SUSD2: variants seen among roughly 807,000 people sequenced by gnomAD.
SUSD2 encodes sushi domain-containing protein 2.
Under a neutral mutation model 93.8 loss-of-function variants are expected in SUSD2, and 86 were observed. The observed-to-expected ratio is 0.92, with a 90% CI of 0.77 to 1.10. The LOEUF is 1.10. Ranked by LOEUF, SUSD2 falls within the 50% of genes least tolerant of loss-of-function variation. The pLI is 0.00. For synonymous variants in SUSD2, 483 were observed against 485.0 expected (o/e 1.00, Z 0.05); for missense variants, 1,060 against 1,137.0 (o/e 0.93, Z 0.97).
rs766871550 is a variant in SUSD2, at chr22:24,186,107, G to T, written c.1431G>T (p.Ala477=). The change falls in exon 9 of 15, where the codon GCG becomes GCT. Residue 477 remains alanine (A), a synonymous_variant. Transcript: ENST00000358321. ...GRGEYVLLEA[A]LTDLRVQARA... is the part of the protein sequence containing the mutation. ...GAGAGTACGTGCTGCTGGAGGCAGC[G>T]CTGACCGACCTGAGGGTGCAGGCGC... 1.2e-6 allele frequency: 2 copies of T among 1,612,364 alleles called. No homozygotes were observed. The highest frequency in any genetic ancestry group is 8.5e-7 in the Non-Finnish European group (1 of 1,179,612).
chr22:24,187,161 G>T, intron 10 of SUSD2, 41 bp from the exon 11 acceptor site: 1 of 1,590,768 alleles, frequency 6.3e-7, no homozygotes. Context: ...GGGACAAGAT[G>T]CTCACAGCGG....
rs376461190 is a variant in SUSD2 at position 24,186,144 on chromosome 22, G to A, written c.1468G>A (p.Gly490Arg). Reference protein sequence around the residue: ...DLRVQARAQPGTMSNGTETRG... With the variant: ...DLRVQARAQPRTMSNGTETRG... ...GAGGGTGCAGGCGCGGGCCCAGCCCGGGACGATGTCCAACGGTGAGGCCAG... is the reference window on the plus strand; with the variant it reads ...GAGGGTGCAGGCGCGGGCCCAGCCCAGGACGATGTCCAACGGTGAGGCCAG... Residue 490 changes from glycine (G) to arginine (R), a missense_variant, in exon 9 of 15, where the codon GGG becomes AGG. Physicochemically the swap from Gly to Arg is moderately radical, Grantham distance 125. This residue lies in a region of SUSD2 where 973 missense variants were observed against 1,005.3 expected (regional missense o/e 0.97). Transcript: ENST00000358321. The A allele has an allele frequency of 1.9e-5, 31 of 1,609,746 alleles. No homozygotes were observed. The highest frequency in any genetic ancestry group is 4.0e-5 in the African/African-American group (3 of 74,896).
chr22:24,185,654 C>T lies in SUSD2; in HGVS notation c.1071-7C>T, dbSNP rs2047358678. On this transcript the variant is annotated splice_region_variant and splice_polypyrimidine_tract_variant and intron_variant, in intron 7 of 14. Coordinates refer to ENST00000358321, the MANE Select transcript of SUSD2 (RefSeq NM_019601.4). ...GTGGCCTGGCCCTGACTCACTGGCT[C>T]CTGCAGCCTCCGGTACGGCTCAGGT... 3.1e-6 allele frequency: 5 copies of T among 1,608,296 alleles called. No homozygotes were observed. Among genetic ancestry groups the T allele is most frequent in the African/African-American group, 1.3e-5 (1 of 74,856 alleles).
intron 1 of SUSD2, among the ~76,000 whole-genome samples, chr22:24,182,320 T>C (rs2047330221): frequency 6.6e-6 from 1 of 152,174 alleles, no homozygotes; most frequent in Non-Finnish European, 1.5e-5. Context: ...ACCGGTCTTA[T>C]GGCCCATAGG....
At position 24,187,551 on chromosome 22, in the gene SUSD2, C is replaced by G. The variant is rs1159537995; in HGVS notation, c.1892-20C>G. 6.2e-7 allele frequency: 1 copy of G among 1,603,706 alleles called. No individual in the cohort carries two copies. Among genetic ancestry groups the G allele is most frequent in the Non-Finnish European group, 8.5e-7 (1 of 1,172,744 alleles). On this transcript the variant is annotated intron_variant, in intron 11 of 14. Coordinates refer to ENST00000358321, the MANE Select transcript of SUSD2 (RefSeq NM_019601.4). ...CAAAGGGAGCCATGCCCAGCCAGGC[C>G]CCGGTCATGTATCTTCCAGGGACCG... is the stretch of plus-strand genomic sequence containing the variant.
In SUSD2 at chr22:24,188,454, T is replaced by C. The variant is rs372230660; in HGVS notation, c.*18T>C. On this transcript the variant is annotated 3_prime_UTR_variant, in exon 15 of 15. Coordinates refer to ENST00000358321, the MANE Select transcript of SUSD2 (RefSeq NM_019601.4). The surrounding 1 kb of genome is among the most constrained non-coding windows in gnomAD (Gnocchi z 4.7). ...AGCCCTGATGGGAGCAGCTTGGCTG[T>C]GAGCACCAGGCCAAGACTCCTGAGA... 6.2e-7 allele frequency: 1 copy of C among 1,607,702 alleles called. No individual in the cohort carries two copies. The highest frequency in any genetic ancestry group is 8.5e-7 in the Non-Finnish European group (1 of 1,178,728).
chr22:24,188,116 C>CACCCCG lies in SUSD2; in HGVS notation c.2324_2329dup (p.Thr775_Pro776dup), dbSNP rs1353933211. 1.9e-5 allele frequency: 31 copies of CACCCCG among 1,612,690 alleles called. No homozygotes were observed. The highest frequency in any genetic ancestry group is 2.4e-5 in the Non-Finnish European group (28 of 1,179,778). ...AGGCTGACGGCACCTGGTCCTCACC[C>CACCCCG]ACCCCGAAGTGCCAGCCAGGTGAGG... On this transcript the variant is annotated inframe_insertion, in exon 13 of 15. Coordinates refer to ENST00000358321, the MANE Select transcript of SUSD2 (RefSeq NM_019601.4). This position sits in a 1 kb window ranked among gnomAD's most constrained non-coding sequence, Gnocchi z 4.7.
In SUSD2 at chr22:24,188,511, C is replaced by T. The variant is rs1356304654; in HGVS notation, c.*75C>T. 1.6e-5 allele frequency: 23 copies of T among 1,444,708 alleles called. No homozygotes were observed. The Middle Eastern group carries it at 5.2e-4, about 33-fold the overall frequency. The allele number at this position is 1,444,708 out of a possible 1,614,324, so 89.5% of individuals were successfully genotyped here. Reference sequence around the variant, plus strand: ...AGCCCAGTCCTGCGACTCCCGCATCCCCAGGACCAGACACCTGGGACCTGG... The same window carrying T: ...AGCCCAGTCCTGCGACTCCCGCATCTCCAGGACCAGACACCTGGGACCTGG... On this transcript the variant is annotated 3_prime_UTR_variant, in exon 15 of 15. Transcript: ENST00000358321. This position sits in a 1 kb window ranked among gnomAD's most constrained non-coding sequence, Gnocchi z 4.7.
intron 10 of SUSD2, chr22:24,186,915 AGGCAGGTGT>A (rs1253946868): frequency 1.9e-6 from 1 of 527,380 alleles, no homozygotes; most frequent in East Asian, 3.3e-5. Flanking sequence ...GGACGTGCCC[AGGCAGGTGT>A]GGCTGCTGCA....
In SUSD2 at chr22:24,183,167, C is replaced by G. The variant is rs2047335533; in HGVS notation, c.187C>G (p.Leu63Val). ...TCCLDFRDFC[L>V]EILPYSGSMM... ...CTGCTTGGATTTCCGGGACTTCTGC[C>G]TGGAGATATTGCCCTACTCAGGATC... The change falls in exon 2 of 15, where the codon CTG becomes GTG. Residue 63 changes from leucine (L) to valine (V), a missense_variant. Physicochemically the swap from Leu to Val is conservative, Grantham distance 32. Transcript: ENST00000358321. The G allele has an allele frequency of 1.9e-6, 3 of 1,614,040 alleles. No individual in the cohort carries two copies. Among genetic ancestry groups the G allele is most frequent in the South Asian group, 2.2e-5 (2 of 91,084 alleles).
intron 5 of SUSD2, 37 bp downstream of exon 5, chr22:24,184,977 G>T (rs761738334): frequency 6.2e-7 from 1 of 1,611,722 alleles, no homozygotes; most frequent in Admixed American, 1.7e-5. Flanking sequence ...TGGCTGGAGG[G>T]CCTCGCCGCC....
chr22:24,188,147 CTG>C lies in SUSD2; in HGVS notation c.2341+13_2341+14del, dbSNP rs1255188543. The stretch of plus-strand genomic sequence containing the variant: ...GAAGTGCCAGCCAGGTGAGGACACT[CTG>C]CTCATACACCTGCCTGCACCTGTCC... On this transcript the variant is annotated intron_variant, in intron 13 of 14. Coordinates refer to ENST00000358321, the MANE Select transcript of SUSD2 (RefSeq NM_019601.4). This position sits in a 1 kb window ranked among gnomAD's most constrained non-coding sequence, Gnocchi z 4.7. 5.6e-6 allele frequency: 9 copies of C among 1,610,292 alleles called. No homozygotes were observed. In the South Asian group the frequency reaches 9.9e-5, roughly 18 times the overall value.
At chr22:24,184,664 C>G (rs1279763878) in intron 4 of SUSD2, 102 bp from the exon 5 acceptor site, 2 of 995,244 alleles carry the variant, frequency 2.0e-6, no homozygotes, top group Non-Finnish European at 3.0e-6. Context: ...AAGGGGACCG[C>G]CTGGCGGTCC....
chr22:24,186,875 C>T (rs192096485), intron 10 of SUSD2: 19 of 465,194 alleles, frequency 4.1e-5, no homozygotes, highest in South Asian at 5.2e-5. Context: ...TGGGAGGGGC[C>T]TGTCAGCACT....
chr22:24,182,260 C>T (rs1195554118), intron 1 of SUSD2, among the ~76,000 whole-genome samples: 3 of 152,222 alleles, frequency 2.0e-5, no homozygotes, highest in African/African-American at 7.2e-5. Flanking sequence ...GCCCCAGTCC[C>T]TCCCTGCAAC....
At chr22:24,183,017 A>G (rs763298690) in intron 1 of SUSD2, 40 bp from the exon 2 acceptor site, 98 of 1,577,480 alleles carry the variant, frequency 6.2e-5, no homozygotes, top group Non-Finnish European at 7.3e-5. Flanking sequence ...CAGCCAGTCC[A>G]GTACCCGCCG....
chr22:24,187,880 G>A (rs757490418), intron 12 of SUSD2, 37 bp downstream of exon 12: 3 of 1,603,758 alleles, frequency 1.9e-6, no homozygotes, highest in Admixed American at 1.7e-5. Flanking sequence ...GGGGAGCTGG[G>A]ACAGGACCCC....
rs771875326 is a variant in SUSD2 at position 24,185,904 on chromosome 22, C to T, written c.1314C>T (p.Cys438=). Residue 438 remains cysteine, a synonymous_variant, in exon 8 of 15, where the codon TGC becomes TGT. Transcript: ENST00000358321. The part of the protein sequence containing the change: ...RYMQRRPSND[C]RNYRPPRLAS... ...TGCAACGGCGGCCCTCCAATGACTG[C>T]CGCAACTACCGGCCCCCAAGACTGG... 1 of 1,572,398 alleles carries T rather than the reference C, an allele frequency of 6.4e-7. No homozygotes were observed. Among genetic ancestry groups the T allele is most frequent in the Non-Finnish European group, 8.7e-7 (1 of 1,155,860 alleles).
Position 24,186,073 on chromosome 22 carries a change from A to T in SUSD2, c.1397A>T (p.Asn466Ile), listed in dbSNP as rs8141797. 1.2e-6 allele frequency: 2 copies of T among 1,612,364 alleles called. No homozygotes were observed. Among genetic ancestry groups the T allele is most frequent in the African/African-American group, 1.3e-5 (1 of 75,028 alleles). The change falls in exon 9 of 15, where the codon AAT (asparagine) becomes ATT (isoleucine). Residue 466 changes from asparagine (N) to isoleucine (I), a missense_variant. Physicochemically the swap from Asn to Ile is moderately radical, Grantham distance 149. Transcript: ENST00000358321. ...VTFDGTNFTFNGRGEYVLLEA... is the reference protein window; with the variant it reads ...VTFDGTNFTFIGRGEYVLLEA... ...TTCGACGGCACCAACTTCACATTCA[A>T]TGGGCGCGGAGAGTACGTGCTGCTG...
Sources: gnomAD v4.1 joint callset for allele counts (sites outside exome capture counted in the v4.1 genomes callset) on GRCh38, gnomAD v4.1.1 for gene constraint, gnomAD v4.1.1 regional missense constraint, Gnocchi (gnomAD v3.1) non-coding constraint, MANE v1.5 for transcripts, NCBI Gene and HGNC (gene_info 2026-07-23, HGNC 2026-07-21) for gene names.